The following PKP2 variants were observed in gnomAD, a reference collection of about 807,000 sequenced individuals.
The protein encoded by PKP2 is plakophilin 2, also known as plakophilin-2.
PKP2 carries 73 observed loss-of-function variants against 83.4 expected under a neutral mutation model. That is an observed-to-expected ratio of 0.88 (90% CI 0.72 to 1.06). The LOEUF (loss-of-function observed/expected upper bound fraction) is 1.06, where lower values mean the gene tolerates loss of function less well. Ranked by LOEUF, PKP2 falls within the 50% of genes least tolerant of loss-of-function variation. The probability of loss-of-function intolerance (pLI) is 0.00; values close to 1 mark genes in which losing one functional copy is unlikely to be tolerated. For missense variants in PKP2, 966 were observed against 1,065.4 expected (o/e 0.91, Z 1.30); for synonymous variants, 409 against 430.4 (o/e 0.95, Z 0.62).
At position 32,841,166 on chromosome 12, in the gene PKP2, T is replaced by C. The variant is rs144536197; in HGVS notation, c.1418A>G (p.Asn473Ser). ...WNLSSNDKLK[N>S]LMITEALLTL... ...AAGCAATGCTTCTGTTATCATGAGA[T>C]TCTTGAGTTTGTCATTAGATGACAA... is the stretch of plus-strand genomic sequence containing the variant. Residue 473 changes from asparagine to serine, a missense_variant, in exon 6 of 13, where the codon AAT (asparagine) becomes AGT (serine). Asn to Ser is a conservative substitution (Grantham distance 46). Transcript: ENST00000340811. 3.0e-4 allele frequency: 492 copies of C among 1,613,650 alleles called. 1 individual carries two copies. Among genetic ancestry groups the C allele is most frequent in the Admixed American group, 1.7e-4 (10 of 60,004 alleles).
chr12:32,817,092 A>T (rs1052454103), intron 9 of PKP2, among the ~76,000 whole-genome samples: 1 of 152,198 alleles, frequency 6.6e-6, no homozygotes, highest in African/African-American at 2.4e-5. Context: ...CTTTAGCTTA[A>T]TTAGGTCCCA....
At chr12:32,822,338 G>T in intron 8 of PKP2, 129 bp downstream of exon 8, 1 of 776,446 alleles carries the variant, frequency 1.3e-6, no homozygotes, top group East Asian at 2.6e-5. Flanking sequence ...TCAAAAGGTT[G>T]ATGTAAGAAT....
chr12:32,793,355 A>T, intron 11 of PKP2, among the ~76,000 whole-genome samples: 1 of 152,266 alleles, frequency 6.6e-6, no homozygotes, highest in East Asian at 1.9e-4. Context: ...ATAGAATATA[A>T]TCTATATTTG....
At chr12:32,894,305 T>G (rs1957102198) in intron 1 of PKP2, 1 of 152,214 alleles carries the variant, frequency 6.6e-6, no homozygotes, top group Admixed American at 6.5e-5. Context: ...AATGTATTTT[T>G]CTAGCGGTTG....
chr12:32,822,034 T>G lies in PKP2; in HGVS notation c.1839+433A>C, dbSNP rs1565580738. Among the ~76,000 whole-genome samples, 4 of 152,214 alleles carry G rather than the reference T, an allele frequency of 2.6e-5. No individual in the cohort carries two copies. In the South Asian group the frequency reaches 8.3e-4, roughly 32 times the overall value. On this transcript the variant is annotated intron_variant, in intron 8 of 12. Transcript: ENST00000340811. Reference sequence around the variant, plus strand: ...GGAAATAAATATGTATTCCTTCCTATGAGGTTTGCTTTTAGTATGTCCAAA... The same window carrying G: ...GGAAATAAATATGTATTCCTTCCTAGGAGGTTTGCTTTTAGTATGTCCAAA...
intron 9 of PKP2, among the ~76,000 whole-genome samples, chr12:32,803,601 T>C (rs1464169580): frequency 1.3e-5 from 2 of 152,236 alleles, no homozygotes; most frequent in African/African-American, 2.4e-5. Context: ...ATCTCTTCTT[T>C]TGGTAGAATT....
In PKP2 at chr12:32,887,461, C is replaced by CT. The variant is rs538221270; in HGVS notation, c.224-8430dup. Among the ~76,000 whole-genome samples the CT allele has an allele frequency of 6.6e-5, 10 of 152,274 alleles. No individual in the cohort carries two copies. In the East Asian group the frequency reaches 1.7e-3, roughly 26 times the overall value. Reference sequence around the variant, plus strand: ...ACACATTTTAAATGTCCCCCTCCCACTTTTTTTATTGAGATGGAGTCTTGC... The same window carrying CT: ...ACACATTTTAAATGTCCCCCTCCCACTTTTTTTTATTGAGATGGAGTCTTGC... On this transcript the variant is annotated intron_variant, in intron 1 of 12. Transcript: ENST00000340811.
intron 1 of PKP2, among the ~76,000 whole-genome samples, chr12:32,891,185 A>G (rs1957072975): frequency 6.6e-6 from 1 of 152,132 alleles, no homozygotes; most frequent in Non-Finnish European, 1.5e-5. Flanking sequence ...ATCTTCATAT[A>G]TTTGTAGACA....
chr12:32,819,830 A>G (rs1313329399), intron 9 of PKP2, among the ~76,000 whole-genome samples: 1 of 151,608 alleles, frequency 6.6e-6, no homozygotes, highest in African/African-American at 2.4e-5. Context: ...GTTAGCTTAT[A>G]TTGAACTAGA....
Position 32,896,492 on chromosome 12 carries a change from C to A in PKP2, c.223+17G>T, listed in dbSNP as rs1466417672. 6 of 1,456,982 alleles carry A rather than the reference C, an allele frequency of 4.1e-6. 1 individual carries two copies. In the South Asian group the frequency reaches 8.2e-5, roughly 20 times the overall value. 90.3% of individuals were successfully genotyped at this position (1,456,982 alleles called of 1,614,324 possible). ...TGGGGCAGGGGGCGGCGCCGGGGAGCGGCGGGCTCCACTCACCGTTGCCCA... is the reference window on the plus strand; with the variant it reads ...TGGGGCAGGGGGCGGCGCCGGGGAGAGGCGGGCTCCACTCACCGTTGCCCA... On this transcript the variant is annotated intron_variant, in intron 1 of 12. Transcript: ENST00000340811.
intron 1 of PKP2, among the ~76,000 whole-genome samples, chr12:32,888,150 G>C (rs1342613008): frequency 1.3e-5 from 2 of 152,156 alleles, no homozygotes; most frequent in East Asian, 3.9e-4. Flanking sequence ...TCCAGCCTGG[G>C]CAACAGAGAC....
intron 6 of PKP2, 26 bp from the exon 7 acceptor site, chr12:32,824,188 A>C: frequency 4.2e-6 from 6 of 1,443,060 alleles, no homozygotes; most frequent in East Asian, 2.3e-5. Context: ...AAAAACAAAA[A>C]AGTAAGTCTA....
chr12:32,890,039 G>T (rs374806361), intron 1 of PKP2, among the ~76,000 whole-genome samples: 1 of 122,256 alleles, frequency 8.2e-6, no homozygotes, highest in Non-Finnish European at 1.6e-5. Flanking sequence ...TTGTGCCACC[G>T]CACTCCAGCC....
chr12:32,843,404 A>G, intron 5 of PKP2: 2 of 870,002 alleles, frequency 2.3e-6, no homozygotes, highest in South Asian at 2.6e-5. Context: ...CTATGTGGCA[A>G]ACATCACCTC....
chr12:32,879,341 T>C lies in PKP2; in HGVS notation c.224-309A>G, dbSNP rs190136410. Among the ~76,000 whole-genome samples the C allele has an allele frequency of 3.7e-3, 559 of 152,276 alleles. 1 individual carries two copies. The highest frequency in any genetic ancestry group is 4.3e-3 in the Non-Finnish European group (294 of 68,022). ...TGAGGTCAGGAGTTCAAGACCAGCC[T>C]GGCCAACATGGCGAAACCCATCTCT... On this transcript the variant is annotated intron_variant, in intron 1 of 12. Transcript: ENST00000340811.
intron 6 of PKP2, among the ~76,000 whole-genome samples, chr12:32,838,828 CAG>C (rs1409052935): frequency 6.6e-6 from 1 of 152,190 alleles, no homozygotes; most frequent in Non-Finnish European, 1.5e-5. Flanking sequence ...AAATCAGTAA[CAG>C]TGGTGACTTG....
intron 6 of PKP2, among the ~76,000 whole-genome samples, chr12:32,828,025 C>T (rs1486056824): frequency 3.3e-5 from 5 of 152,242 alleles, no homozygotes; most frequent in Non-Finnish European, 7.3e-5. Context: ...ACAAATTACT[C>T]TTCACATAAA....
At chr12:32,797,607 G>A (rs554954170) in intron 10 of PKP2, among the ~76,000 whole-genome samples, 268 of 141,916 alleles carry the variant, frequency 1.9e-3, no homozygotes, top group African/African-American at 6.9e-3. Flanking sequence ...CCAGGCTGGA[G>A]TGCAGTGGCG....
chr12:32,806,064 A>C (rs1441439291), intron 9 of PKP2, among the ~76,000 whole-genome samples: 1 of 152,330 alleles, frequency 6.6e-6, no homozygotes, highest in East Asian at 1.9e-4. Flanking sequence ...GATGAAACCC[A>C]CTTGATGGTG....
Sources: allele counts gnomAD v4.1 joint callset (sites outside exome capture counted in the v4.1 genomes callset), GRCh38; gene constraint gnomAD v4.1.1; transcripts MANE v1.5; gene names NCBI Gene and HGNC (gene_info 2026-07-23, HGNC 2026-07-21).